TENT4A: variants seen among roughly 807,000 people sequenced by gnomAD.
TENT4A encodes the protein DNA polymerase kappa.
A neutral mutation model predicts 72.8 loss-of-function variants in TENT4A; 7 were observed. That is an observed-to-expected ratio of 0.10 (90% CI 0.05 to 0.18). TENT4A has a LOEUF of 0.18. Among genes scored for constraint, TENT4A ranks in the 10% least tolerant of loss-of-function variants. The pLI is 1.00. For synonymous variants in TENT4A, 456 were observed against 434.3 expected (o/e 1.05, Z -0.62); for missense variants, 831 against 1,017.7 (o/e 0.82, Z 2.50).
At chr5:6,746,466 A>G (rs773940819) in intron 7 of TENT4A, 39 bp downstream of exon 7, 3 of 1,594,428 alleles carry the variant, frequency 1.9e-6, no homozygotes, top group Non-Finnish European at 8.6e-7. Flanking sequence ...GAGCTGGGCC[A>G]GCCTCGGGGA....
At chr5:6,727,966 T>G (rs1212950163) in intron 1 of TENT4A, among the ~76,000 whole-genome samples, 3 of 145,326 alleles carry the variant, frequency 2.1e-5, no homozygotes. Context: ...TGAGTTCTTT[T>G]CTCTGTCTCC....
chr5:6,718,556 G>A (rs1740497876), intron 1 of TENT4A, among the ~76,000 whole-genome samples: 1 of 152,216 alleles, frequency 6.6e-6, no homozygotes, highest in South Asian at 2.1e-4. Flanking sequence ...TTCACTCTCC[G>A]AGTCCCAGAG....
chr5:6,735,033 G>A (rs1208900517), intron 1 of TENT4A, among the ~76,000 whole-genome samples: 1 of 152,216 alleles, frequency 6.6e-6, no homozygotes, highest in Non-Finnish European at 1.5e-5. Flanking sequence ...GCTATTTGAT[G>A]TTGCCGTTAC....
intron 1 of TENT4A, among the ~76,000 whole-genome samples, chr5:6,717,433 G>T (rs1039833175): frequency 2.0e-5 from 3 of 152,238 alleles, no homozygotes; most frequent in Non-Finnish European, 4.4e-5. Context: ...AGCCCATGTG[G>T]CAACCCTCAC....
chr5:6,728,843 G>A (rs990640611), intron 1 of TENT4A, among the ~76,000 whole-genome samples: 4 of 152,208 alleles, frequency 2.6e-5, no homozygotes, highest in Admixed American at 2.0e-4. Context: ...AAGCAATGAT[G>A]ACTTATTGAA....
intron 1 of TENT4A, among the ~76,000 whole-genome samples, chr5:6,716,950 G>A (rs1255702485): frequency 1.3e-5 from 2 of 152,228 alleles, no homozygotes; most frequent in African/African-American, 4.8e-5. Flanking sequence ...GCCCAAAGGG[G>A]CCTGTGAGGA....
chr5:6,740,130 T>C (rs1741720211), intron 4 of TENT4A, among the ~76,000 whole-genome samples: 1 of 152,196 alleles, frequency 6.6e-6, no homozygotes, highest in African/African-American at 2.4e-5. Flanking sequence ...TGTCTACTTG[T>C]GTTAGGATGA....
chr5:6,721,362 G>T (rs1019329314), intron 1 of TENT4A, among the ~76,000 whole-genome samples: 4 of 152,246 alleles, frequency 2.6e-5, no homozygotes, highest in Non-Finnish European at 4.4e-5. Context: ...CCTTCCTGGA[G>T]AGTGGCTAAA....
chr5:6,751,266 T>G, intron 11 of TENT4A, 69 bp downstream of exon 11: 2 of 1,462,940 alleles, frequency 1.4e-6, no homozygotes, highest in Non-Finnish European at 1.9e-6. Context: ...TGATATGCAC[T>G]AGAGGAGATT....
intron 11 of TENT4A, among the ~76,000 whole-genome samples, chr5:6,751,764 A>G (rs1218814911): frequency 1.3e-5 from 2 of 152,274 alleles, no homozygotes; most frequent in East Asian, 1.9e-4. Context: ...TCACTTGAAT[A>G]TGTGTGGGTA....
At chr5:6,730,631 G>A (rs994230606) in intron 1 of TENT4A, among the ~76,000 whole-genome samples, 24 of 152,078 alleles carry the variant, frequency 1.6e-4, no homozygotes, top group Non-Finnish European at 2.9e-4. Flanking sequence ...CACATCGATA[G>A]GTCCCTCCCT....
At position 6,751,148 on chromosome 5, in the gene TENT4A, A is replaced by G. The variant is rs780392722; in HGVS notation, c.1970A>G (p.Lys657Arg). Residue 657 changes from lysine (K) to arginine (R), a missense_variant, in exon 11 of 13, where the codon AAA (lysine) becomes AGA (arginine). By Grantham distance (26) the Lys-to-Arg change is conservative. Transcript: ENST00000230859. ...ACCGCCTTGCCAATGCCCAGTGGCA[A>G]ACCTCAGCCCACCACTTCCAGAACA... ...LPTALPMPSG[K>R]PQPTTSRTLI... 2.5e-6 allele frequency: 4 copies of G among 1,614,070 alleles called. No individual in the cohort carries two copies. Among genetic ancestry groups the G allele is most frequent in the Non-Finnish European group, 3.4e-6 (4 of 1,180,048 alleles).
At chr5:6,718,894 G>T (rs1740514470) in intron 1 of TENT4A, among the ~76,000 whole-genome samples, 1 of 152,098 alleles carries the variant, frequency 6.6e-6, no homozygotes, top group African/African-American at 2.4e-5. Flanking sequence ...GCCCAGGAGG[G>T]CATGACAGAC....
intron 1 of TENT4A, among the ~76,000 whole-genome samples, chr5:6,720,541 C>A (rs982622021): frequency 2.7e-4 from 41 of 151,990 alleles, no homozygotes; most frequent in Non-Finnish European, 4.6e-4. Context: ...TAAAATATGT[C>A]ATTTAAGAAA....
chr5:6,718,279 C>T (rs1009954372), intron 1 of TENT4A, among the ~76,000 whole-genome samples: 1 of 151,878 alleles, frequency 6.6e-6, no homozygotes, highest in African/African-American at 2.4e-5. Flanking sequence ...TCAATTCTTT[C>T]TTGCGAAGGA....
intron 10 of TENT4A, 85 bp downstream of exon 10, chr5:6,750,588 C>T (rs915342835): frequency 1.6e-5 from 21 of 1,318,992 alleles, no homozygotes; most frequent in Middle Eastern, 2.2e-4. Flanking sequence ...AAAATCTCCC[C>T]CTTGGTTTTG....
chr5:6,751,994 T>C (rs1276987632), intron 11 of TENT4A, among the ~76,000 whole-genome samples: 1 of 152,234 alleles, frequency 6.6e-6, no homozygotes, highest in Non-Finnish European at 1.5e-5. Flanking sequence ...AGCAGAGCCA[T>C]GGCCCAGCCG....
chr5:6,719,319 A>G (rs1426798942), intron 1 of TENT4A, among the ~76,000 whole-genome samples: 1 of 152,208 alleles, frequency 6.6e-6, no homozygotes, highest in African/African-American at 2.4e-5. Context: ...CAGTTAGGTC[A>G]TATGGTTTAG....
At chr5:6,729,046 G>T (rs1443468544) in intron 1 of TENT4A, among the ~76,000 whole-genome samples, 1 of 152,148 alleles carries the variant, frequency 6.6e-6, no homozygotes, top group Non-Finnish European at 1.5e-5. Flanking sequence ...TGTATAGATA[G>T]ATGTACACAA....
Sources: allele counts gnomAD v4.1 joint callset (sites outside exome capture counted in the v4.1 genomes callset), GRCh38; gene constraint gnomAD v4.1.1; transcripts MANE v1.5; gene names NCBI Gene and HGNC (gene_info 2026-07-23, HGNC 2026-07-21).